SPIDR: variants seen among roughly 807,000 people sequenced by gnomAD.
SPIDR encodes the protein DNA repair-scaffolding protein.
In SPIDR, 93 loss-of-function variants were observed where a neutral mutation model predicts 104.6. The observed-to-expected ratio is 0.89, with a 90% CI of 0.75 to 1.06. The LOEUF (loss-of-function observed/expected upper bound fraction) is 1.06, where lower values mean the gene tolerates loss of function less well. Ranked by LOEUF, SPIDR falls within the 50% of genes least tolerant of loss-of-function variation. The probability of loss-of-function intolerance (pLI) is 0.00; values close to 1 mark genes in which losing one functional copy is unlikely to be tolerated. For synonymous variants in SPIDR, 431 were observed against 416.9 expected (o/e 1.03, Z -0.41); for missense variants, 1,154 against 1,111.2 (o/e 1.04, Z -0.55).
At chr8:47,488,733 G>A (rs567760428) in intron 8 of SPIDR, among the ~76,000 whole-genome samples, 12 of 152,108 alleles carry the variant, frequency 7.9e-5, no homozygotes, top group South Asian at 2.1e-4. Flanking sequence ...GCATATAAAC[G>A]GAACCAAAGA....
intron 10 of SPIDR, among the ~76,000 whole-genome samples, chr8:47,635,563 A>G (rs1313177674): frequency 6.6e-6 from 1 of 152,142 alleles, no homozygotes; most frequent in African/African-American, 2.4e-5. Flanking sequence ...GCATCAAAAA[A>G]CAGATTGCCC....
chr8:47,616,126 TTTTACTTCTTCCTTTC>T (rs1421694302), intron 10 of SPIDR, among the ~76,000 whole-genome samples: 1 of 152,202 alleles, frequency 6.6e-6, no homozygotes, highest in Admixed American at 6.5e-5. Flanking sequence ...GTAAAGACAG[TTTTACTTCTTCCTTTC>T]CAATTTGTTT....
chr8:47,331,360 G>A (rs1344885448), intron 5 of SPIDR, among the ~76,000 whole-genome samples: 1 of 152,164 alleles, frequency 6.6e-6, no homozygotes, highest in African/African-American at 2.4e-5. Flanking sequence ...AGGTGGTTTA[G>A]TCTACTACAC....
At chr8:47,731,685 G>A (rs2085266495) in intron 19 of SPIDR, among the ~76,000 whole-genome samples, 1 of 152,190 alleles carries the variant, frequency 6.6e-6, no homozygotes, top group African/African-American at 2.4e-5. Flanking sequence ...AAGTTTAAGT[G>A]TATAACAGGC....
intron 8 of SPIDR, among the ~76,000 whole-genome samples, chr8:47,539,966 T>C (rs1040622802): frequency 6.6e-6 from 1 of 152,142 alleles, no homozygotes; most frequent in Non-Finnish European, 1.5e-5. Flanking sequence ...AAAAATATTC[T>C]GTGGCCCTGA....
At chr8:47,303,749 T>C (rs2042648072) in intron 5 of SPIDR, among the ~76,000 whole-genome samples, 2 of 152,180 alleles carry the variant, frequency 1.3e-5, no homozygotes. Flanking sequence ...GCTGTTGAAT[T>C]CAGTTTATTA....
intron 8 of SPIDR, among the ~76,000 whole-genome samples, chr8:47,514,913 G>A (rs533930179): frequency 6.6e-6 from 1 of 152,134 alleles, no homozygotes; most frequent in African/African-American, 2.4e-5. Flanking sequence ...TGTTTCTGAG[G>A]TTTATATTTT....
At chr8:47,627,127 C>T (rs1308559472) in intron 10 of SPIDR, among the ~76,000 whole-genome samples, 1 of 152,172 alleles carries the variant, frequency 6.6e-6, no homozygotes, top group East Asian at 1.9e-4. Context: ...TCTCAGCAAA[C>T]TATCACAAGG....
At chr8:47,416,991 G>A (rs1374820202) in intron 7 of SPIDR, among the ~76,000 whole-genome samples, 1 of 152,164 alleles carries the variant, frequency 6.6e-6, no homozygotes, top group Non-Finnish European at 1.5e-5. Flanking sequence ...ATTCCATGGT[G>A]TATATGTGCC....
At chr8:47,699,386 A>G (rs968897142) in intron 11 of SPIDR, among the ~76,000 whole-genome samples, 3 of 152,202 alleles carry the variant, frequency 2.0e-5, no homozygotes, top group Admixed American at 2.0e-4. Context: ...AGCTTAAGCA[A>G]GATGAGTTTC....
At chr8:47,609,862 C>T (rs930897976) in intron 10 of SPIDR, among the ~76,000 whole-genome samples, 3 of 152,028 alleles carry the variant, frequency 2.0e-5, no homozygotes, top group Non-Finnish European at 4.4e-5. Context: ...TTTTCATGCT[C>T]TTTTTTCCTA....
chr8:47,279,703 G>A (rs1006183085), intron 1 of SPIDR, among the ~76,000 whole-genome samples, 159 bp from the exon 2 acceptor site: 15 of 152,246 alleles, frequency 9.9e-5, no homozygotes, highest in African/African-American at 3.6e-4. Flanking sequence ...TTTGCTGTCC[G>A]GTTGCTCTTT....
Position 47,382,424 on chromosome 8 carries a change from C to T in SPIDR, c.526-13952C>T, listed in dbSNP as rs557547393. On this transcript the variant is annotated intron_variant, in intron 5 of 19. Transcript: ENST00000297423. ...AATTTTTAAATTTAAAGTTTTTTCT[C>T]TTTTTTTGAGATGGAATCTCGCTCT... 4.3e-4 allele frequency among the ~76,000 whole-genome samples: 65 copies of T among 152,098 alleles called. 2 individuals are homozygous for T. Among genetic ancestry groups the T allele is most frequent in the Admixed American group, 5.9e-4 (9 of 15,282 alleles).
intron 6 of SPIDR, among the ~76,000 whole-genome samples, chr8:47,406,858 T>G (rs1310581535): frequency 6.6e-6 from 1 of 152,206 alleles, no homozygotes; most frequent in Non-Finnish European, 1.5e-5. Context: ...TTTTATCATC[T>G]GTGCAGTGGG....
chr8:47,511,176 G>A lies in SPIDR; in HGVS notation c.1097+70634G>A, dbSNP rs918534978. 4.5e-6 allele frequency: 7 copies of A among 1,560,792 alleles called. No individual in the cohort carries two copies. The African/African-American group carries it at 9.5e-5, about 21-fold the overall frequency. ...TGGCTGGCCGGGCATCCACAATGAAGAGTTGGATGTTGCTGATCCTGTGGC... is the reference window on the plus strand; with the variant it reads ...TGGCTGGCCGGGCATCCACAATGAAAAGTTGGATGTTGCTGATCCTGTGGC... On this transcript the variant is annotated intron_variant, in intron 8 of 19. Transcript: ENST00000297423.
At chr8:47,295,058 T>A (rs2040593979) in intron 5 of SPIDR, among the ~76,000 whole-genome samples, 1 of 152,230 alleles carries the variant, frequency 6.6e-6, no homozygotes, top group Non-Finnish European at 1.5e-5. Context: ...AATAACTTTT[T>A]AAAAATTCTT....
At chr8:47,445,045 G>A (rs2070293211) in intron 8 of SPIDR, among the ~76,000 whole-genome samples, 1 of 151,930 alleles carries the variant, frequency 6.6e-6, no homozygotes, top group Admixed American at 6.6e-5. Flanking sequence ...CCTTGATATT[G>A]TTAAGTCATC....
chr8:47,596,638 C>T (rs2061649428), intron 9 of SPIDR, among the ~76,000 whole-genome samples: 1 of 152,072 alleles, frequency 6.6e-6, no homozygotes, highest in South Asian at 2.1e-4. Context: ...AAACCCTGAA[C>T]ACTTGCACTA....
chr8:47,478,978 G>GT (rs1239008431), intron 8 of SPIDR, among the ~76,000 whole-genome samples: 2 of 151,824 alleles, frequency 1.3e-5, no homozygotes, highest in African/African-American at 2.4e-5. Context: ...CTTTTGAGTT[G>GT]TTTTTTTCCA....
Sources: gnomAD v4.1 joint callset for allele counts (sites outside exome capture counted in the v4.1 genomes callset) on GRCh38, gnomAD v4.1.1 for gene constraint, MANE v1.5 for transcripts, NCBI Gene and HGNC (gene_info 2026-07-23, HGNC 2026-07-21) for gene names.